The following BECN1 variants were observed in gnomAD, a reference collection of about 807,000 sequenced individuals.
BECN1 encodes beclin 1, also known as beclin-1.
BECN1 carries 15 observed loss-of-function variants against 60.1 expected under a neutral mutation model. That is an observed-to-expected ratio of 0.25 (90% CI 0.17 to 0.38). BECN1 has a LOEUF of 0.38. Among genes scored for constraint, BECN1 ranks in the 10% least tolerant of loss-of-function variants. The pLI is 1.00. For synonymous variants in BECN1, 179 were observed against 201.8 expected, an observed-to-expected ratio of 0.89 and a Z score of 0.96; for missense variants, 424 against 548.2, an observed-to-expected ratio of 0.77 and a Z score of 2.26.
chr17:42,823,878 C>G lies in BECN1; in HGVS notation c.-1G>C. 4.3e-6 allele frequency: 7 copies of G among 1,612,966 alleles called. No individual in the cohort carries two copies. The highest frequency in any genetic ancestry group is 5.9e-6 in the Non-Finnish European group (7 of 1,179,168). On this transcript the variant is annotated splice_region_variant and 5_prime_UTR_variant, in exon 2 of 12. Coordinates refer to ENST00000590099, the MANE Select transcript of BECN1 (RefSeq NM_001313998.2). The stretch of plus-strand genomic sequence containing the variant: ...TGTTGGACGTCTTAGACCCTTCCAT[C>G]CCTGAGGCCGTGGAAAAGAGGCAAC...
chr17:42,814,072 A>T, intron 9 of BECN1, 64 bp from the exon 10 acceptor site: 3 of 1,188,656 alleles, frequency 2.5e-6, no homozygotes, highest in South Asian at 2.8e-5. Context: ...TTGGGAAGTT[A>T]CAACCCAATG....
rs773753772 is a variant in BECN1, at chr17:42,823,884, G to A, written c.-2-5C>T. On this transcript the variant is annotated splice_region_variant and splice_polypyrimidine_tract_variant and intron_variant, in intron 1 of 11. Transcript: ENST00000590099. ...ACGTCTTAGACCCTTCCATCCCTGA[G>A]GCCGTGGAAAAGAGGCAACATTAGG... The A allele has an allele frequency of 3.1e-6, 5 of 1,612,396 alleles. No homozygotes were observed. In the South Asian group the frequency reaches 3.3e-5, roughly 11 times the overall value.
chr17:42,811,861 C>T, intron 10 of BECN1, 64 bp from the exon 11 acceptor site: 1 of 1,546,584 alleles, frequency 6.5e-7, no homozygotes. Context: ...AGATTGTTCC[C>T]AATCCTATCA....
chr17:42,816,456 A>T (rs755657819), intron 7 of BECN1, among the ~76,000 whole-genome samples: 19 of 151,588 alleles, frequency 1.3e-4, no homozygotes, highest in Non-Finnish European at 2.5e-4. Flanking sequence ...GTTCGAGAGC[A>T]GTCCGGCCAA....
Position 42,818,331 on chromosome 17 carries a change from C to T in BECN1, c.573G>A (p.Glu191=), listed in dbSNP as rs913633076. ...CTTCCAGCTCCTGGATCAGCCTCTCCTCCTCTAGTGCCAGCTCCTTTAGCT... is the reference window on the plus strand; with the variant it reads ...CTTCCAGCTCCTGGATCAGCCTCTCTTCCTCTAGTGCCAGCTCCTTTAGCT... ...QMELKELALE[E]ERLIQELEDV... The change falls in exon 7 of 12, where the codon GAG becomes GAA. Residue 191 remains glutamate, a synonymous_variant. Transcript: ENST00000590099. 3 of 1,614,120 alleles carry T rather than the reference C, an allele frequency of 1.9e-6. No individual in the cohort carries two copies. Among genetic ancestry groups the T allele is most frequent in the South Asian group, 2.2e-5 (2 of 91,088 alleles).
At position 42,818,286 on chromosome 17, in the gene BECN1, C is replaced by T. The variant is rs1347369296; in HGVS notation, c.618G>A (p.Lys206=). The part of the protein sequence containing the change: ...QELEDVEKNR[K]IVAENLEKVQ... Reference sequence around the variant, plus strand: ...CCTTCTCGAGATTTTCTGCCACTATCTTGCGGTTCTTTTCCACGTCTTCCA... The same window carrying T: ...CCTTCTCGAGATTTTCTGCCACTATTTTGCGGTTCTTTTCCACGTCTTCCA... Residue 206 remains lysine (K), a synonymous_variant, in exon 7 of 12, where the codon AAG becomes AAA. Coordinates refer to ENST00000590099, the MANE Select transcript of BECN1 (RefSeq NM_001313998.2). 6.2e-7 allele frequency: 1 copy of T among 1,614,226 alleles called. No homozygotes were observed. Among genetic ancestry groups the T allele is most frequent in the Non-Finnish European group, 8.5e-7 (1 of 1,180,038 alleles).
intron 10 of BECN1, among the ~76,000 whole-genome samples, chr17:42,813,205 A>T (rs1285674720): frequency 1.3e-5 from 2 of 151,742 alleles, no homozygotes; most frequent in East Asian, 1.9e-4. Context: ...TATTTAAAAT[A>T]TTGTATGAAA....
At chr17:42,811,005 G>A in intron 11 of BECN1, 77 bp from the exon 12 acceptor site, 2 of 1,390,060 alleles carry the variant, frequency 1.4e-6, no homozygotes, top group Non-Finnish European at 1.9e-6. Flanking sequence ...CTTGATCATG[G>A]GACCATTCAC....
intron 11 of BECN1, chr17:42,811,273 G>A: frequency 3.5e-6 from 1 of 283,414 alleles, no homozygotes; most frequent in Admixed American, 5.1e-5. Context: ...TTGTTTTGGG[G>A]TGATAGAAGC....
In BECN1 at chr17:42,819,550, G is replaced by A; in HGVS notation, c.258C>T (p.Ala86=). 6.2e-7 allele frequency: 1 copy of A among 1,613,546 alleles called. No homozygotes were observed. ...GGGGGCTGAGAAGTAGTAGGCACCTGGCTGGGGGGATGAATCTGCGAGAGA... is the reference window on the plus strand; with the variant it reads ...GGGGGCTGAGAAGTAGTAGGCACCTAGCTGGGGGGATGAATCTGCGAGAGA... The part of the protein sequence containing the change: ...DGVSRRFIPP[A]RMMSTESANS... The change falls in exon 4 of 12, where the codon GCC becomes GCT. Residue 86 remains alanine (A), a splice_region_variant and synonymous_variant. Transcript: ENST00000590099.
chr17:42,820,482 T>C (rs2055240587), intron 3 of BECN1: 1 of 338,856 alleles, frequency 3.0e-6, no homozygotes, highest in East Asian at 5.2e-5. Context: ...GGTCATCCCA[T>C]CTCCAACCTA....
chr17:42,820,853 G>A lies in BECN1; in HGVS notation c.131-12C>T. On this transcript the variant is annotated splice_polypyrimidine_tract_variant and intron_variant, in intron 2 of 11. Coordinates refer to ENST00000590099, the MANE Select transcript of BECN1 (RefSeq NM_001313998.2). ...GGTAAGTAATGGAGCTAAGGGCAAG[G>A]AAAATATTGGGTCAGAAACAGTCTT... is the stretch of plus-strand genomic sequence containing the variant. 4 of 1,587,634 alleles carry A rather than the reference G, an allele frequency of 2.5e-6. No individual in the cohort carries two copies. Among genetic ancestry groups the A allele is most frequent in the African/African-American group, 1.3e-5 (1 of 74,714 alleles).
intron 7 of BECN1, among the ~76,000 whole-genome samples, chr17:42,817,636 G>C (rs2055174010): frequency 6.6e-6 from 1 of 152,116 alleles, no homozygotes; most frequent in South Asian, 2.1e-4. Context: ...TCAAACTCCT[G>C]GGCTCAAGTT....
intron 10 of BECN1, chr17:42,812,888 G>A (rs1417879858): frequency 2.4e-5 from 3 of 123,866 alleles, no homozygotes; most frequent in African/African-American, 9.4e-5. Context: ...AGGCTGGAGT[G>A]CAGTGGCGCA....
chr17:42,819,443 G>A (rs539111240), intron 4 of BECN1, 105 bp downstream of exon 4: 2 of 1,258,488 alleles, frequency 1.6e-6, no homozygotes, highest in South Asian at 2.7e-5. Context: ...CAAAAGGCTA[G>A]GTGATGATGC....
chr17:42,815,847 T>C, intron 8 of BECN1, 61 bp downstream of exon 8: 1 of 1,608,606 alleles, frequency 6.2e-7, no homozygotes, highest in Non-Finnish European at 8.5e-7. Flanking sequence ...CACCCAGGCT[T>C]AGTGGTCAAC....
chr17:42,823,689 C>G, intron 2 of BECN1, 59 bp downstream of exon 2: 1 of 1,587,200 alleles, frequency 6.3e-7, no homozygotes, highest in Non-Finnish European at 8.6e-7. Context: ...AGAATTATAT[C>G]ACCAAAGCTG....
chr17:42,818,230 T>TCCTG lies in BECN1; in HGVS notation c.670_673dup (p.Glu225AlafsTer12). ...CAGGGTGAGCACTCACTGAGCTTCC[T>TCCTG]CCTGATCCAGTCTCTCAGCCTCAGC... On this transcript the variant is annotated frameshift_variant, in exon 7 of 12. Coordinates refer to ENST00000590099, the MANE Select transcript of BECN1 (RefSeq NM_001313998.2). LOFTEE classifies it high-confidence loss of function. 1 of 1,614,114 alleles carries TCCTG rather than the reference T, an allele frequency of 6.2e-7. No individual in the cohort carries two copies. The highest frequency in any genetic ancestry group is 8.5e-7 in the Non-Finnish European group (1 of 1,179,982).
rs899250833 is a variant in BECN1 at position 42,824,017 on chromosome 17, T to C, written c.-3+138A>G. On this transcript the variant is annotated intron_variant, in intron 1 of 11. Coordinates refer to ENST00000590099, the MANE Select transcript of BECN1 (RefSeq NM_001313998.2). ...GCCGTTCCCTCTAGGAATGGTATGA[T>C]ACGGGGAGGACCTGCTTCCGGGACA... is the stretch of plus-strand genomic sequence containing the variant. The C allele has an allele frequency of 4.6e-5, 53 of 1,140,468 alleles. No individual in the cohort carries two copies. The Admixed American group carries it at 1.4e-3, about 30-fold the overall frequency. 70.6% of individuals were successfully genotyped at this position (1,140,468 alleles called of 1,614,324 possible). A position where few individuals can be genotyped will look rare whatever the true frequency, so the allele number is the denominator to read the frequency against.
Sources: allele counts gnomAD v4.1 joint callset (sites outside exome capture counted in the v4.1 genomes callset), GRCh38; gene constraint gnomAD v4.1.1; transcripts MANE v1.5; gene names NCBI Gene and HGNC (gene_info 2026-07-23, HGNC 2026-07-21).